Variants in ENAH observed in about 807,000 individuals in gnomAD.
ENAH encodes ENAH actin regulator.
In ENAH, 23 loss-of-function variants were observed where a neutral mutation model predicts 78.7. The observed-to-expected ratio is 0.29, with a 90% CI of 0.21 to 0.41. ENAH has a LOEUF of 0.41. Among genes scored for constraint, ENAH ranks in the 10% least tolerant of loss-of-function variants. ENAH has a pLI of 1.00. For missense variants in ENAH, 544 were observed against 691.0 expected, an observed-to-expected ratio of 0.79 and a Z score of 2.39; for synonymous variants, 226 against 241.0, an observed-to-expected ratio of 0.94 and a Z score of 0.58.
chr1:225,510,979 C>T (rs781105526), intron 10 of ENAH, among the ~76,000 whole-genome samples: 12 of 151,768 alleles, frequency 7.9e-5, no homozygotes, highest in Admixed American at 1.3e-4. Flanking sequence ...CAAGACTGCA[C>T]CACTGCACTC....
chr1:225,551,450 G>C, intron 3 of ENAH, among the ~76,000 whole-genome samples: 1 of 152,100 alleles, frequency 6.6e-6, no homozygotes. Flanking sequence ...GGACACGGAA[G>C]AAGAGGAAAG....
chr1:225,540,624 A>G (rs1191679516), intron 3 of ENAH, among the ~76,000 whole-genome samples: 1 of 152,008 alleles, frequency 6.6e-6, no homozygotes, highest in South Asian at 2.1e-4. Flanking sequence ...ATCCCTGTTT[A>G]CATTCAATCT....
At chr1:225,498,793 C>T (rs1198810144) in intron 12 of ENAH, among the ~76,000 whole-genome samples, 2 of 152,294 alleles carry the variant, frequency 1.3e-5, no homozygotes, top group East Asian at 1.9e-4. Flanking sequence ...AACTGAAAAA[C>T]TGGCTCTTGG....
At chr1:225,599,796 TAAAAAAAAAAAAAA>T (rs34052384) in intron 1 of ENAH, among the ~76,000 whole-genome samples, 40 of 82,978 alleles carry the variant, frequency 4.8e-4, no homozygotes, top group Middle Eastern at 7.5e-3. Flanking sequence ...GACTCCGTCT[TAAAAAAAAAAAAAA>T]AAAAAAAAAA....
chr1:225,505,874 G>A (rs943281075), intron 11 of ENAH, among the ~76,000 whole-genome samples: 1 of 151,862 alleles, frequency 6.6e-6, no homozygotes, highest in Non-Finnish European at 1.5e-5. Flanking sequence ...AACAGAATTG[G>A]AACATGATTA....
intron 3 of ENAH, among the ~76,000 whole-genome samples, chr1:225,533,220 AAACATTCT>A (rs2096546553): frequency 1.3e-5 from 2 of 152,266 alleles, no homozygotes; most frequent in Admixed American, 1.3e-4. Flanking sequence ...CCTTCTTGTC[AAACATTCT>A]AATGGGCTAT....
intron 2 of ENAH, 55 bp downstream of exon 2, chr1:225,567,194 C>T: frequency 1.3e-6 from 2 of 1,569,588 alleles, no homozygotes; most frequent in South Asian, 1.2e-5. Flanking sequence ...CGGAATATGC[C>T]AAGTCCTTTT....
chr1:225,542,400 C>T (rs1418948042), intron 3 of ENAH, among the ~76,000 whole-genome samples: 1 of 152,182 alleles, frequency 6.6e-6, no homozygotes, highest in Non-Finnish European at 1.5e-5. Context: ...TAGGTCATGA[C>T]TCTCTCAGTA....
intron 1 of ENAH, among the ~76,000 whole-genome samples, chr1:225,599,595 C>T (rs374945448): frequency 5.9e-5 from 9 of 151,982 alleles, no homozygotes; most frequent in Non-Finnish European, 8.8e-5. Flanking sequence ...CACCTGAGGT[C>T]AGGAGTTCAA....
At chr1:225,559,922 T>C (rs919963129) in intron 2 of ENAH, among the ~76,000 whole-genome samples, 1 of 152,198 alleles carries the variant, frequency 6.6e-6, no homozygotes, top group Non-Finnish European at 1.5e-5. Flanking sequence ...AAGACTCATC[T>C]GTCATCTCAA....
At chr1:225,601,523 CAA>C (rs60046874) in intron 1 of ENAH, among the ~76,000 whole-genome samples, 40 of 93,570 alleles carry the variant, frequency 4.3e-4, no homozygotes, top group Middle Eastern at 5.1e-3. Context: ...ATCTCCCCGC[CAA>C]AAAAAAAAAA....
chr1:225,602,624 T>C (rs1234885541), intron 1 of ENAH, among the ~76,000 whole-genome samples: 3 of 151,874 alleles, frequency 2.0e-5, no homozygotes, highest in African/African-American at 4.8e-5. Context: ...GCAAAGGTTA[T>C]ATATATATAT....
At position 225,505,733 on chromosome 1, in the gene ENAH, ACAGC is replaced by A. The variant is rs551413874; in HGVS notation, c.1538+2214_1538+2217del. On this transcript the variant is annotated intron_variant, in intron 11 of 13. Transcript: ENST00000366843. Reference sequence around the variant, plus strand: ...TTTTAAAAATCCTTTATGGTTTAAAACAGCTTTTGGTGAAATTTTAAAACCTATA... The same window carrying A: ...TTTTAAAAATCCTTTATGGTTTAAAATTTTGGTGAAATTTTAAAACCTATA... 6.0e-3 allele frequency among the ~76,000 whole-genome samples: 914 copies of A among 152,332 alleles called. 8 individuals are homozygous for A. Among genetic ancestry groups the A allele is most frequent in the African/African-American group, 0.02 (850 of 41,580 alleles).
At chr1:225,528,594 G>T (rs573926376) in intron 4 of ENAH, among the ~76,000 whole-genome samples, 1 of 152,202 alleles carries the variant, frequency 6.6e-6, no homozygotes, top group Non-Finnish European at 1.5e-5. Context: ...TAAAATTCCA[G>T]AAACATCATT....
intron 10 of ENAH, among the ~76,000 whole-genome samples, chr1:225,508,783 G>A (rs1316956780): frequency 6.6e-6 from 1 of 152,176 alleles, no homozygotes; most frequent in Non-Finnish European, 1.5e-5. Context: ...TTCTCATGGA[G>A]GAAAGAATTT....
intron 1 of ENAH, among the ~76,000 whole-genome samples, chr1:225,588,400 C>T (rs1254403060): frequency 1.3e-5 from 2 of 152,152 alleles, no homozygotes; most frequent in African/African-American, 4.8e-5. Context: ...CAGGGAAACG[C>T]CAGTTAAAAT....
Position 225,555,088 on chromosome 1 carries a change from A to ATCTTCCTGCCCACCACTCTG in ENAH, c.172-6_172-5insCAGAGTGGTGGGCAGGAAGA. On this transcript the variant is annotated splice_region_variant and splice_polypyrimidine_tract_variant and intron_variant, in intron 2 of 13. Transcript: ENST00000366843. ...AATGGCACAGTTTATCACGACCTAA[A>ATCTTCCTGCCCACCACTCTG]AAATAATAATTCTTTATAAAGTCAA... 1.3e-6 allele frequency: 2 copies of ATCTTCCTGCCCACCACTCTG among 1,513,720 alleles called. 1 individual carries two copies. The highest frequency in any genetic ancestry group is 1.8e-6 in the Non-Finnish European group (2 of 1,113,328). The allele number at this position is 1,513,720 out of a possible 1,614,324, so 93.8% of individuals were successfully genotyped here. A position where few individuals can be genotyped will look rare whatever the true frequency, so the allele number is the denominator to read the frequency against.
At chr1:225,633,478 G>C (rs1659493513) in intron 1 of ENAH, among the ~76,000 whole-genome samples, 1 of 152,138 alleles carries the variant, frequency 6.6e-6, no homozygotes, top group African/African-American at 2.4e-5. Flanking sequence ...TGAAATTTGA[G>C]AAACAGCATT....
intron 1 of ENAH, among the ~76,000 whole-genome samples, chr1:225,630,932 G>A (rs1426561780): frequency 6.6e-6 from 1 of 152,078 alleles, no homozygotes; most frequent in African/African-American, 2.4e-5. Flanking sequence ...GAAACAACTT[G>A]GAAACAGATC....
Sources: gnomAD v4.1 joint callset for allele counts (sites outside exome capture counted in the v4.1 genomes callset) on GRCh38, gnomAD v4.1.1 for gene constraint, MANE v1.5 for transcripts, NCBI Gene and HGNC (gene_info 2026-07-23, HGNC 2026-07-21) for gene names.